Variants in PCDH10 observed in about 807,000 individuals in gnomAD.
The protein encoded by PCDH10 is protocadherin-10.
PCDH10 carries 15 observed loss-of-function variants against 74.4 expected under a neutral mutation model. The observed-to-expected ratio is 0.20, with a 90% CI of 0.13 to 0.31. PCDH10 has a LOEUF of 0.31. Among genes scored for constraint, PCDH10 ranks in the 10% least tolerant of loss-of-function variants. The probability of loss-of-function intolerance (pLI) is 1.00; values close to 1 mark genes in which losing one functional copy is unlikely to be tolerated. For synonymous variants in PCDH10, 619 were observed against 589.8 expected, an observed-to-expected ratio of 1.05 and a Z score of -0.72; for missense variants, 1,260 against 1,390.2, an observed-to-expected ratio of 0.91 and a Z score of 1.49.
At position 133,150,808 on chromosome 4, in the gene PCDH10, G is replaced by A. The variant is rs1483341217; in HGVS notation, c.668G>A (p.Gly223Asp). 1 of 1,586,122 alleles carries A rather than the reference G, an allele frequency of 6.3e-7. No homozygotes were observed. Among genetic ancestry groups the A allele is most frequent in the Non-Finnish European group, 8.6e-7 (1 of 1,167,898 alleles). The change falls in exon 1 of 5, where the codon GGC becomes GAC. Residue 223 changes from glycine to aspartate, a missense_variant. Coordinates refer to ENST00000264360, the MANE Select transcript of PCDH10 (RefSeq NM_032961.3). ...GGAGGGGGAGGTGGCGGGGGAGCAG[G>A]CCTGCCCCCCCAGCAGCAGCGCACC... ...GEGGGGGGGA[G>D]LPPQQQRTGT...
At position 133,192,523 on chromosome 4, in the gene PCDH10, A is replaced by G. The variant is rs2125874730; in HGVS notation, c.*2363A>G. ...ATTTTCTTTAATTATTTAACCTTTT[A>G]TATCATTGTATATAATCTCCTTTGA... On this transcript the variant is annotated 3_prime_UTR_variant, in exon 5 of 5. Coordinates refer to ENST00000264360, the MANE Select transcript of PCDH10 (RefSeq NM_032961.3). 6.6e-6 allele frequency: 1 copy of G among 151,664 alleles called. No homozygotes were observed. Among genetic ancestry groups the G allele is most frequent in the Non-Finnish European group, 1.5e-5 (1 of 67,570 alleles). 9.4% of individuals were successfully genotyped at this position (151,664 alleles called of 1,614,324 possible).
Position 133,150,837 on chromosome 4 carries a change from A to G in PCDH10, c.697A>G (p.Thr233Ala). 6.3e-7 allele frequency: 1 copy of G among 1,594,660 alleles called. No individual in the cohort carries two copies. The highest frequency in any genetic ancestry group is 8.5e-7 in the Non-Finnish European group (1 of 1,171,874). The change falls in exon 1 of 5, where the codon ACG becomes GCG. Residue 233 changes from threonine to alanine, a missense_variant. This residue lies in a region of PCDH10 where 192 missense variants were observed against 161.2 expected (regional missense o/e 1.19). Transcript: ENST00000264360. Reference sequence around the variant, plus strand: ...GCCCCCCCAGCAGCAGCGCACCGGCACGGCCCTACTCACCATCCGAGTGCT... The same window carrying G: ...GCCCCCCCAGCAGCAGCGCACCGGCGCGGCCCTACTCACCATCCGAGTGCT... ...GLPPQQQRTGTALLTIRVLDS... is the reference protein window; with the variant it reads ...GLPPQQQRTGAALLTIRVLDS...
rs551508926 is a variant in PCDH10 at position 133,154,355 on chromosome 4, C to G, written c.2680C>G (p.Arg894Gly). The change falls in exon 2 of 5, where the codon CGA becomes GGA. Residue 894 changes from arginine (R) to glycine (G), a missense_variant. This residue lies in a region of PCDH10 where 587 missense variants were observed against 616.9 expected (regional missense o/e 0.95). Transcript: ENST00000264360. ...ELSYLVDRPR[R>G]VNSSAFQEAD... is the part of the protein sequence containing the mutation. ...CAGCTATCTAGTTGACAGACCTCGC[C>G]GAGTTAACAGGTATGGACTCTTTTT... 6.2e-7 allele frequency: 1 copy of G among 1,603,224 alleles called. No individual in the cohort carries two copies.
rs1726999886 is a variant in PCDH10, at chr4:133,162,978, T to G, written c.2799T>G (p.Gly933=). ...HDATNRAQSA[G]MDLFSNCTEE... ...GTAGTTTCTGTTTTCTGCTTACAGG[T>G]ATGGATCTCTTCTCCAATTGCACTG... The change falls in exon 4 of 5, where the codon GGT becomes GGG. Residue 933 remains glycine (G), a splice_region_variant and synonymous_variant. Coordinates refer to ENST00000264360, the MANE Select transcript of PCDH10 (RefSeq NM_032961.3). 1 of 1,609,308 alleles carries G rather than the reference T, an allele frequency of 6.2e-7. No individual in the cohort carries two copies. Among genetic ancestry groups the G allele is most frequent in the Admixed American group, 1.7e-5 (1 of 59,836 alleles).
In PCDH10 at chr4:133,192,560, T is replaced by A. The variant is rs1727702225; in HGVS notation, c.*2400T>A. ...ATAATCTCCTTTGAACCAACTTTTT[T>A]ATTATATATTTGTGTATTAGTTATT... On this transcript the variant is annotated 3_prime_UTR_variant, in exon 5 of 5. Transcript: ENST00000264360. 1 of 151,642 alleles carries A rather than the reference T, an allele frequency of 6.6e-6. No individual in the cohort carries two copies. 9.4% of individuals were successfully genotyped at this position (151,642 alleles called of 1,614,324 possible).
chr4:133,184,958 A>G (rs1478784384), intron 4 of PCDH10, among the ~76,000 whole-genome samples: 2 of 148,216 alleles, frequency 1.3e-5, no homozygotes, highest in South Asian at 2.1e-4. Flanking sequence ...ATAGTAACTC[A>G]ATTTTGTTTG....
chr4:133,180,758 T>C (rs1233152767), intron 4 of PCDH10, among the ~76,000 whole-genome samples: 2 of 151,938 alleles, frequency 1.3e-5, no homozygotes, highest in African/African-American at 4.8e-5. Context: ...TAAATGTTTA[T>C]AATAATTAAG....
chr4:133,201,617 G>T (rs1378398162), intron 2 of PCDH10, among the ~76,000 whole-genome samples: 1 of 152,038 alleles, frequency 6.6e-6, no homozygotes, highest in Non-Finnish European at 1.5e-5. Flanking sequence ...AGCACTTTGG[G>T]AGGCCAAGGT....
At chr4:133,169,149 C>T (rs1167884171) in intron 4 of PCDH10, among the ~76,000 whole-genome samples, 1 of 151,648 alleles carries the variant, frequency 6.6e-6, no homozygotes, top group Admixed American at 6.6e-5. Context: ...ATCTGCAGTA[C>T]CATCTTTCTT....
chr4:133,200,559 T>C (rs956371118), intron 2 of PCDH10, among the ~76,000 whole-genome samples: 1 of 152,214 alleles, frequency 6.6e-6, no homozygotes, highest in Non-Finnish European at 1.5e-5. Context: ...AAGTCTATAT[T>C]CATCAACTAT....
chr4:133,171,437 A>G (rs1363420901), intron 4 of PCDH10, among the ~76,000 whole-genome samples: 1 of 152,192 alleles, frequency 6.6e-6, no homozygotes, highest in African/African-American at 2.4e-5. Flanking sequence ...TATTTTCTGG[A>G]TTAAATTCTG....
intron 4 of PCDH10, among the ~76,000 whole-genome samples, chr4:133,169,474 T>C (rs1727158297): frequency 6.6e-6 from 1 of 151,842 alleles, no homozygotes; most frequent in African/African-American, 2.4e-5. Flanking sequence ...ATTTAGGACT[T>C]CTTAGAATTA....
Position 133,150,286 on chromosome 4 carries a change from C to T in PCDH10, c.146C>T (p.Ser49Leu), listed in dbSNP as rs777214935. 2.5e-5 allele frequency: 40 copies of T among 1,613,796 alleles called. No individual in the cohort carries two copies. Among genetic ancestry groups the T allele is most frequent in the Non-Finnish European group, 3.3e-5 (39 of 1,179,970 alleles). Residue 49 changes from serine to leucine, a missense_variant, in exon 1 of 5, where the codon TCG (serine) becomes TTG (leucine). Transcript: ENST00000264360. ...EDLGLDITKL[S>L]ARGFQTVPNS... ...CTGGGTCTGGACATTACAAAACTTT[C>T]GGCTCGCGGGTTTCAGACGGTGCCC...
intron 4 of PCDH10, among the ~76,000 whole-genome samples, chr4:133,166,508 C>T (rs1727084694): frequency 6.6e-6 from 1 of 151,226 alleles, no homozygotes. Flanking sequence ...ATGTGTAAAA[C>T]CATCTGGATA....
intron 4 of PCDH10, among the ~76,000 whole-genome samples, chr4:133,182,437 A>G (rs1038493131): frequency 2.0e-5 from 3 of 152,116 alleles, no homozygotes; most frequent in Non-Finnish European, 4.4e-5. Context: ...TGATAAAGTA[A>G]CTTAAATGAA....
At position 133,191,447 on chromosome 4, in the gene PCDH10, G is replaced by A. The variant is rs1058267; in HGVS notation, c.*1287G>A. On this transcript the variant is annotated 3_prime_UTR_variant, in exon 5 of 5. Coordinates refer to ENST00000264360, the MANE Select transcript of PCDH10 (RefSeq NM_032961.3). ...ACATTATTGTTTCAGTATTCCATGT[G>A]AAAATTTTATAGCTTAAATGTAGTC... The A allele has an allele frequency of 0.45, 68,840 of 151,822 alleles. 18,268 individuals carry two copies. The highest frequency in any genetic ancestry group is 0.59 in the Admixed American group (8,880 of 15,146). 9.4% of individuals were successfully genotyped at this position (151,822 alleles called of 1,614,324 possible). A position where few individuals can be genotyped will look rare whatever the true frequency, so the allele number is the denominator to read the frequency against.
chr4:133,152,607 G>C lies in PCDH10; in HGVS notation c.2467G>C (p.Val823Leu), dbSNP rs1355586905. 6.2e-7 allele frequency: 1 copy of C among 1,614,044 alleles called. No homozygotes were observed. The highest frequency in any genetic ancestry group is 8.5e-7 in the Non-Finnish European group (1 of 1,180,042). ...HHHNQNYCYQ[V>L]CLTPESAKTD... is the part of the protein sequence containing the mutation. ...CCACAACCAGAATTACTGCTATCAG[G>C]TATGCCTGACCCCTGAGTCCGCCAA... The change falls in exon 1 of 5, where the codon GTA becomes CTA. Residue 823 changes from valine to leucine, a missense_variant. Around this residue, in one of 11 missense-constraint regions of PCDH10, gnomAD observed 587 missense variants for 616.9 expected, o/e 0.95. Coordinates refer to ENST00000264360, the MANE Select transcript of PCDH10 (RefSeq NM_032961.3).
In PCDH10 at chr4:133,193,086, A is replaced by C. The variant is rs547433253; in HGVS notation, c.*2926A>C. 6.6e-6 allele frequency: 1 copy of C among 151,710 alleles called. No homozygotes were observed. The highest frequency in any genetic ancestry group is 2.4e-5 in the African/African-American group (1 of 41,430). The allele number at this position is 151,710 out of a possible 1,614,324, so 9.4% of individuals were successfully genotyped here. The stretch of plus-strand genomic sequence containing the variant: ...GTTTTAGAGCAGTCAAAGTCAAAAA[A>C]AATTTCCTGTGGAAACAGTGTCTTA... On this transcript the variant is annotated 3_prime_UTR_variant, in exon 5 of 5. Transcript: ENST00000264360.
intron 4 of PCDH10, among the ~76,000 whole-genome samples, chr4:133,184,688 A>T (rs1727495693): frequency 6.9e-6 from 1 of 145,562 alleles, no homozygotes; most frequent in African/African-American, 2.5e-5. Flanking sequence ...ATTTACATAT[A>T]TTTATATAAA....
Sources: gnomAD v4.1 joint callset for allele counts (sites outside exome capture counted in the v4.1 genomes callset) on GRCh38, gnomAD v4.1.1 for gene constraint, gnomAD v4.1.1 regional missense constraint, MANE v1.5 for transcripts, NCBI Gene and HGNC (gene_info 2026-07-23, HGNC 2026-07-21) for gene names.